PLA2R1: variants seen among roughly 807,000 people sequenced by gnomAD.
PLA2R1 encodes secretory phospholipase A2 receptor.
A neutral mutation model predicts 195.9 loss-of-function variants in PLA2R1; 158 were observed. That is an observed-to-expected ratio of 0.81 (90% confidence interval 0.71 to 0.92). The LOEUF (loss-of-function observed/expected upper bound fraction) is 0.92, where lower values mean the gene tolerates loss of function less well. Among genes scored for constraint, PLA2R1 ranks in the 40% least tolerant of loss-of-function variants. PLA2R1 has a pLI of 0.00. For missense variants in PLA2R1, 1,626 were observed against 1,764.6 expected (o/e 0.92, Z 1.41); for synonymous variants, 586 against 598.2 (o/e 0.98, Z 0.30).
At chr2:160,013,719 C>CTGTGTGTG (rs1375348885) in intron 9 of PLA2R1, among the ~76,000 whole-genome samples, 88 of 112,016 alleles carry the variant, frequency 7.9e-4, no homozygotes, top group African/African-American at 2.8e-3. Flanking sequence ...CTCTCTCTCT[C>CTGTGTGTG]TCTGTGTGTG....
rs1211398020 is a variant in PLA2R1, at chr2:160,062,332, C to T, written c.72G>A (p.Ala24=). ...GGAGCCGCTCGGGGGTAAGCGCCGC[C>T]GCCACACCCTCGGCGCAGCCCCGCG... ...GAPRGCAEGV[A]AALTPERLLE... The change falls in exon 1 of 30, where the codon GCG becomes GCA. Residue 24 remains alanine, a synonymous_variant. Coordinates refer to ENST00000283243, the MANE Select transcript of PLA2R1 (RefSeq NM_007366.5). 2.6e-6 allele frequency: 4 copies of T among 1,530,028 alleles called. No individual in the cohort carries two copies. The allele number at this position is 1,530,028 out of a possible 1,614,324, so 94.8% of individuals were successfully genotyped here. A position where few individuals can be genotyped will look rare whatever the true frequency, so the allele number is the denominator to read the frequency against.
chr2:159,924,948 G>GC, the PLA2R1 span, among the ~76,000 whole-genome samples: 3 of 152,086 alleles, frequency 2.0e-5, no homozygotes, highest in African/African-American at 7.2e-5. Context: ...CTCCTGTGGT[G>GC]CCCCATGTTG....
Position 159,945,100 on chromosome 2 carries a change from A to G in PLA2R1, c.3968-18T>C. On this transcript the variant is annotated intron_variant, in intron 27 of 29. Coordinates refer to ENST00000283243, the MANE Select transcript of PLA2R1 (RefSeq NM_007366.5). ...GGTTTCATCTGTGAGAAAATTGCTG[A>G]CTCATTATGAATTATGTGCATGGTT... is the stretch of plus-strand genomic sequence containing the variant. 6.3e-7 allele frequency: 1 copy of G among 1,583,624 alleles called. No individual in the cohort carries two copies. Among genetic ancestry groups the G allele is most frequent in the Non-Finnish European group, 8.6e-7 (1 of 1,159,536 alleles).
intron 17 of PLA2R1, among the ~76,000 whole-genome samples, chr2:159,974,393 T>A (rs1689395444): frequency 6.6e-6 from 1 of 152,188 alleles, no homozygotes; most frequent in Non-Finnish European, 1.5e-5. Context: ...ATAATAGACT[T>A]CCCACAGGGG....
chr2:159,970,181 C>A lies in PLA2R1; in HGVS notation c.2627G>T (p.Gly876Val). The A allele has an allele frequency of 6.2e-7, 1 of 1,609,916 alleles. No homozygotes were observed. Among genetic ancestry groups the A allele is most frequent in the Non-Finnish European group, 8.5e-7 (1 of 1,177,700 alleles). Residue 876 changes from glycine to valine, a missense_variant, in exon 18 of 30, where the codon GGA (glycine) becomes GTA (valine). Gly to Val is a moderately radical substitution (Grantham distance 109). Coordinates refer to ENST00000283243, the MANE Select transcript of PLA2R1 (RefSeq NM_007366.5). ...LSKYGASWWI[G>V]LQEERANDEF... ...ATCATTGGCTCTTTCTTCTTGAAGT[C>A]CAATCCACCAACTTGCACCATACTT...
At chr2:160,012,266 G>A (rs1692413718) in intron 10 of PLA2R1, among the ~76,000 whole-genome samples, 1 of 152,172 alleles carries the variant, frequency 6.6e-6, no homozygotes. Flanking sequence ...TGGCACCACT[G>A]GAGTTCTACC....
intron 11 of PLA2R1, among the ~76,000 whole-genome samples, chr2:160,002,994 C>A (rs1347699584): frequency 1.3e-5 from 2 of 151,940 alleles, no homozygotes; most frequent in African/African-American, 4.8e-5. Context: ...TCTATTTTTT[C>A]TATTTCTTTT....
chr2:160,023,564 C>A (rs1693289831), intron 6 of PLA2R1, among the ~76,000 whole-genome samples: 1 of 152,194 alleles, frequency 6.6e-6, no homozygotes, highest in Admixed American at 6.5e-5. Flanking sequence ...TAATCTACCC[C>A]TTGTTTAGCA....
Position 160,042,144 on chromosome 2 carries a change from T to C in PLA2R1, c.548A>G (p.Gln183Arg), listed in dbSNP as rs1293072566. 2 of 1,614,154 alleles carry C rather than the reference T, an allele frequency of 1.2e-6. No individual in the cohort carries two copies. The highest frequency in any genetic ancestry group is 1.7e-6 in the Non-Finnish European group (2 of 1,179,948). ...TTCATGATGCCACTGATGGTTATAC[T>C]GGAAGGGAAACATACACGGCATCCC... Reference protein sequence around the residue: ...THGMPCMFPFQYNHQWHHECT... With the variant: ...THGMPCMFPFRYNHQWHHECT... The change falls in exon 3 of 30, where the codon CAG (glutamine) becomes CGG (arginine). Residue 183 changes from glutamine to arginine, a missense_variant. By Grantham distance (43) the Gln-to-Arg change is conservative. Transcript: ENST00000283243.
Position 159,949,762 on chromosome 2 carries a change from A to C in PLA2R1, c.3555T>G (p.Phe1185Leu). ...AAGATTTGGTGCCATCAGACCAGTC[A>C]AAATTAAGACCATTCTGTGGAGGAA... ...GLFTTDNGLN[F>L]DWSDGTKSSF... The change falls in exon 25 of 30, where the codon TTT (phenylalanine) becomes TTG (leucine). Residue 1185 changes from phenylalanine (F) to leucine (L), a missense_variant. Transcript: ENST00000283243. The C allele has an allele frequency of 6.2e-7, 1 of 1,613,844 alleles. No homozygotes were observed. The highest frequency in any genetic ancestry group is 8.5e-7 in the Non-Finnish European group (1 of 1,179,780).
chr2:159,925,119 T>C, the PLA2R1 span, among the ~76,000 whole-genome samples: 2 of 152,196 alleles, frequency 1.3e-5, no homozygotes, highest in African/African-American at 4.8e-5. Flanking sequence ...AGCAATGAAT[T>C]TTCCAGCTCC....
intron 17 of PLA2R1, among the ~76,000 whole-genome samples, chr2:159,970,475 C>G (rs1689085865): frequency 6.6e-6 from 1 of 152,104 alleles, no homozygotes; most frequent in Non-Finnish European, 1.5e-5. Context: ...TTCTAACTCT[C>G]TAAGAAGGTT....
intron 16 of PLA2R1, 25 bp downstream of exon 16, chr2:159,976,660 C>A: frequency 6.7e-7 from 1 of 1,497,042 alleles, no homozygotes; most frequent in South Asian, 1.1e-5. Context: ...ATTAGAAATT[C>A]AAGAGCTGCC....
In PLA2R1 at chr2:159,979,975, G is replaced by A. The variant is rs1419049565; in HGVS notation, c.2184-61C>T. On this transcript the variant is annotated intron_variant, in intron 13 of 29. Coordinates refer to ENST00000283243, the MANE Select transcript of PLA2R1 (RefSeq NM_007366.5). Reference sequence around the variant, plus strand: ...ATCAAATTTACAGCATTATGTGAAAGGTTCAAAAAATACCAGCATGGCACA... The same window carrying A: ...ATCAAATTTACAGCATTATGTGAAAAGTTCAAAAAATACCAGCATGGCACA... 9.8e-5 allele frequency: 97 copies of A among 988,766 alleles called. 1 individual carries two copies. Among genetic ancestry groups the A allele is most frequent in the Non-Finnish European group, 6.4e-6 (4 of 629,184 alleles). 61.2% of individuals were successfully genotyped at this position (988,766 alleles called of 1,614,324 possible).
intron 8 of PLA2R1, among the ~76,000 whole-genome samples, chr2:160,018,188 T>C (rs1692889062): frequency 6.6e-6 from 1 of 152,064 alleles, no homozygotes; most frequent in African/African-American, 2.4e-5. Context: ...TATCCAATAC[T>C]ATTAATACCT....
At chr2:160,051,186 C>T (rs529299180) in intron 1 of PLA2R1, among the ~76,000 whole-genome samples, 1 of 152,228 alleles carries the variant, frequency 6.6e-6, no homozygotes, top group Non-Finnish European at 1.5e-5. Context: ...TCCAACTATA[C>T]ACATAAAGTC....
At chr2:160,022,988 T>G in intron 6 of PLA2R1, 129 bp from the exon 7 acceptor site, 2 of 633,530 alleles carry the variant, frequency 3.2e-6, no homozygotes, top group Non-Finnish European at 5.4e-6. Context: ...CAAAATGACA[T>G]ATATCATGGA....
intron 12 of PLA2R1, among the ~76,000 whole-genome samples, chr2:159,986,573 C>T (rs1414617642): frequency 3.3e-5 from 5 of 151,300 alleles, no homozygotes; most frequent in Non-Finnish European, 5.9e-5. Context: ...TTAGCGCATG[C>T]TATTTCTTTT....
intron 11 of PLA2R1, among the ~76,000 whole-genome samples, chr2:159,991,443 T>C (rs1037378542): frequency 2.0e-5 from 3 of 150,802 alleles, no homozygotes; most frequent in Non-Finnish European, 4.4e-5. Context: ...TTCTTTCTTT[T>C]TTTTTTTTTT....
Sources: allele counts gnomAD v4.1 joint callset (sites outside exome capture counted in the v4.1 genomes callset), GRCh38; gene constraint gnomAD v4.1.1; transcripts MANE v1.5; gene names NCBI Gene and HGNC (gene_info 2026-07-23, HGNC 2026-07-21).